The following MCM8 variants were observed in gnomAD, a reference collection of about 807,000 sequenced individuals.
The protein encoded by MCM8 is minichromosome maintenance 8 homologous recombination repair factor.
A neutral mutation model predicts 98.9 loss-of-function variants in MCM8; 85 were observed. The observed-to-expected ratio is 0.86, with a 90% CI of 0.72 to 1.03. MCM8 has a LOEUF of 1.03. Among genes scored for constraint, MCM8 ranks in the 50% least tolerant of loss-of-function variants. The pLI is 0.00. For synonymous variants in MCM8, 352 were observed against 338.6 expected (o/e 1.04, Z -0.44); for missense variants, 951 against 997.8 (o/e 0.95, Z 0.63).
chr20:5,993,955 T>G (rs2089905316), intron 18 of MCM8: 1 of 360,502 alleles, frequency 2.8e-6, no homozygotes, highest in East Asian at 4.5e-5. Flanking sequence ...TACCAATTCC[T>G]ACTTCAAAGT....
chr20:5,964,041 A>C (rs2089218268), intron 8 of MCM8, among the ~76,000 whole-genome samples: 1 of 148,502 alleles, frequency 6.7e-6, no homozygotes, highest in Non-Finnish European at 1.5e-5. Flanking sequence ...TCAAATAAAG[A>C]CTCCCTTTGA....
intron 7 of MCM8, among the ~76,000 whole-genome samples, chr20:5,960,765 A>G (rs1192496442): frequency 1.3e-5 from 2 of 152,072 alleles, no homozygotes; most frequent in African/African-American, 4.8e-5. Flanking sequence ...GAGAGACCCC[A>G]TCTCTACTAA....
chr20:5,968,168 C>A, intron 10 of MCM8, 143 bp downstream of exon 10: 1 of 548,492 alleles, frequency 1.8e-6, no homozygotes, highest in Non-Finnish European at 3.2e-6. Flanking sequence ...TTGAGTATGG[C>A]CTATGAACTA....
chr20:5,967,778 T>C (rs1600265055), intron 9 of MCM8, 52 bp from the exon 10 acceptor site: 1 of 1,082,448 alleles, frequency 9.2e-7, no homozygotes, highest in Non-Finnish European at 1.2e-6. Flanking sequence ...GTTGAGTCAT[T>C]GTAGGGAAAA....
At chr20:5,979,487 A>T (rs2089587090) in intron 13 of MCM8, among the ~76,000 whole-genome samples, 1 of 152,182 alleles carries the variant, frequency 6.6e-6, no homozygotes, top group East Asian at 1.9e-4. Context: ...ACATGTCTAA[A>T]ATTAAAATCC....
In MCM8 at chr20:5,996,031, A is replaced by G. The variant is rs2089952556; in HGVS notation, c.*1640A>G. The G allele has an allele frequency of 6.6e-6, 1 of 152,308 alleles. No homozygotes were observed. The highest frequency in any genetic ancestry group is 1.5e-5 in the Non-Finnish European group (1 of 68,100). 9.4% of individuals were successfully genotyped at this position (152,308 alleles called of 1,614,324 possible). A position where few individuals can be genotyped will look rare whatever the true frequency, so the allele number is the denominator to read the frequency against. On this transcript the variant is annotated 3_prime_UTR_variant, in exon 19 of 19. Transcript: ENST00000610722. ...TGCAGTGGCTCACATCTATAATCCC[A>G]GAGCTTTGGGAGTTCGAGGCAGGAG...
At chr20:5,967,168 T>C (rs1411232824) in intron 8 of MCM8, among the ~76,000 whole-genome samples, 2 of 152,238 alleles carry the variant, frequency 1.3e-5, no homozygotes, top group African/African-American at 4.8e-5. Context: ...TTCATTAATA[T>C]CTCATTTGCT....
At chr20:5,967,364 C>G (rs2089296662) in intron 8 of MCM8, 72 bp from the exon 9 acceptor site, 5 of 1,366,242 alleles carry the variant, frequency 3.7e-6, no homozygotes, top group Middle Eastern at 1.8e-4. Context: ...TCATGTGAAC[C>G]CTGAATAGTT....
intron 7 of MCM8, among the ~76,000 whole-genome samples, chr20:5,961,776 A>G (rs754784285): frequency 1.3e-5 from 2 of 152,128 alleles, no homozygotes; most frequent in Non-Finnish European, 2.9e-5. Context: ...GGGTATTTTC[A>G]TGCCCCCTAA....
chr20:5,991,900 C>A (rs1470684869), intron 17 of MCM8, among the ~76,000 whole-genome samples: 1 of 152,110 alleles, frequency 6.6e-6, no homozygotes, highest in African/African-American at 2.4e-5. Flanking sequence ...CAGTCTTTGC[C>A]CTTAATGTGG....
intron 7 of MCM8, among the ~76,000 whole-genome samples, chr20:5,959,039 T>C (rs1021556241): frequency 6.6e-6 from 1 of 152,172 alleles, no homozygotes; most frequent in Non-Finnish European, 1.5e-5. Context: ...CCTGAAGTTA[T>C]TATAATATGC....
At position 5,967,446 on chromosome 20, in the gene MCM8, T is replaced by C. The variant is rs984364637; in HGVS notation, c.886T>C (p.Leu296=). Residue 296 remains leucine (L), a synonymous_variant, in exon 9 of 19, where the codon TTG becomes CTG. Transcript: ENST00000610722. ...MDWQSIKIQE[L]MSDDQREAGR... is the part of the protein sequence containing the mutation. Reference sequence around the variant, plus strand: ...ATTTAAACTTTTTAGAATCCAGGAATTGATGTCTGATGATCAGAGAGAAGC... The same window carrying C: ...ATTTAAACTTTTTAGAATCCAGGAACTGATGTCTGATGATCAGAGAGAAGC... The C allele has an allele frequency of 3.7e-6, 6 of 1,612,880 alleles. No homozygotes were observed. In the African/African-American group the frequency reaches 8.0e-5, roughly 22 times the overall value.
At chr20:5,969,312 C>T (rs1383845704) in intron 10 of MCM8, among the ~76,000 whole-genome samples, 1 of 152,132 alleles carries the variant, frequency 6.6e-6, no homozygotes, top group African/African-American at 2.4e-5. Flanking sequence ...GTGATCTTGG[C>T]CAGGCACAGT....
chr20:5,991,196 T>C (rs1341187625), intron 17 of MCM8: 1 of 152,230 alleles, frequency 6.6e-6, no homozygotes, highest in Admixed American at 6.5e-5. Flanking sequence ...GGTAGATTAG[T>C]TCTCCTATCT....
At chr20:5,979,584 C>A (rs779895344) in intron 13 of MCM8, among the ~76,000 whole-genome samples, 1 of 152,122 alleles carries the variant, frequency 6.6e-6, no homozygotes, top group South Asian at 2.1e-4. Flanking sequence ...TCAGAAAACA[C>A]GGAGCCATCC....
At chr20:5,966,051 G>A (rs1042353717) in intron 8 of MCM8, among the ~76,000 whole-genome samples, 1 of 152,042 alleles carries the variant, frequency 6.6e-6, no homozygotes, top group Non-Finnish European at 1.5e-5. Context: ...GTCTGAAAAT[G>A]TCTTTATTTG....
chr20:5,952,602 A>G, intron 3 of MCM8, 74 bp downstream of exon 3: 2 of 1,174,202 alleles, frequency 1.7e-6, no homozygotes, highest in East Asian at 4.7e-5. Context: ...TACATCTTGT[A>G]TTACTGTAAT....
intron 6 of MCM8, among the ~76,000 whole-genome samples, chr20:5,958,004 A>AT (rs11399100): frequency 0.17 from 26,153 of 151,848 alleles, 2,966 homozygotes; most frequent in African/African-American, 0.32. Flanking sequence ...TTTTCCTTAA[A>AT]TTTCTTTTTT....
At chr20:5,966,534 C>T (rs963237404) in intron 8 of MCM8, among the ~76,000 whole-genome samples, 1 of 152,124 alleles carries the variant, frequency 6.6e-6, no homozygotes, top group Non-Finnish European at 1.5e-5. Flanking sequence ...TTTCTCAAAA[C>T]TCTTAGGCAG....
Sources: allele counts gnomAD v4.1 joint callset (sites outside exome capture counted in the v4.1 genomes callset), GRCh38; gene constraint gnomAD v4.1.1; transcripts MANE v1.5; gene names NCBI Gene and HGNC (gene_info 2026-07-23, HGNC 2026-07-21).